The following TTC13 variants were observed in gnomAD, a reference collection of about 807,000 sequenced individuals.
TTC13 encodes tetratricopeptide repeat protein 13.
In TTC13, 62 loss-of-function variants were observed where a neutral mutation model predicts 120.0. That is an observed-to-expected ratio of 0.52 (90% CI 0.42 to 0.64). The LOEUF is 0.64. TTC13 is among the 30% of genes least tolerant of loss of function. The pLI is 0.00. For missense variants in TTC13, 824 were observed against 1,050.2 expected, an observed-to-expected ratio of 0.78 and a Z score of 2.98; for synonymous variants, 384 against 393.5, an observed-to-expected ratio of 0.98 and a Z score of 0.28.
chr1:230,948,909 G>A (rs915426199), intron 4 of TTC13, among the ~76,000 whole-genome samples: 2 of 151,896 alleles, frequency 1.3e-5, no homozygotes, highest in East Asian at 1.9e-4. Context: ...CCATTGCCTC[G>A]GTCCCCAAGA....
At chr1:230,907,518 A>G (rs991008882) in intron 22 of TTC13, among the ~76,000 whole-genome samples, 17 of 152,252 alleles carry the variant, frequency 1.1e-4, no homozygotes, top group Non-Finnish European at 1.3e-4. Context: ...AGAATTGTCA[A>G]AAGATTCACA....
rs376791178 is a variant in TTC13 at position 230,958,209 on chromosome 1, A to G, written c.442+15T>C. ...AGGCAAATATTACAGGAATATTACC[A>G]GATTCAAGTCTTACCTAACTCTTCA... On this transcript the variant is annotated intron_variant, in intron 3 of 22. Transcript: ENST00000366661. The G allele has an allele frequency of 6.2e-7, 1 of 1,609,948 alleles. No individual in the cohort carries two copies. Among genetic ancestry groups the G allele is most frequent in the African/African-American group, 1.3e-5 (1 of 74,576 alleles).
chr1:230,923,801 ACTC>A (rs775897676), intron 15 of TTC13, 37 bp downstream of exon 15: 7 of 1,552,750 alleles, frequency 4.5e-6, no homozygotes, highest in Non-Finnish European at 6.2e-6. Flanking sequence ...TTGAGAATAA[ACTC>A]CTAGGAAAAG....
chr1:230,936,215 C>T (rs1478832584), intron 8 of TTC13: 1 of 456,142 alleles, frequency 2.2e-6, no homozygotes, highest in African/African-American at 2.0e-5. Flanking sequence ...TTTTAAGAGT[C>T]TTTGGTTTCG....
intron 22 of TTC13, 82 bp downstream of exon 22, chr1:230,908,630 T>C (rs1210838102): frequency 9.1e-7 from 1 of 1,099,874 alleles, no homozygotes; most frequent in Admixed American, 2.2e-5. Context: ...GTTCCAGTTT[T>C]CATAGCGCTC....
intron 12 of TTC13, among the ~76,000 whole-genome samples, chr1:230,927,147 G>A (rs1240165464): frequency 6.6e-6 from 1 of 152,062 alleles, no homozygotes; most frequent in Admixed American, 6.6e-5. Context: ...GATGGCATTT[G>A]GGTTGATTTC....
At chr1:230,937,180 T>C (rs531419183) in intron 8 of TTC13, among the ~76,000 whole-genome samples, 1 of 152,252 alleles carries the variant, frequency 6.6e-6, no homozygotes, top group Admixed American at 6.5e-5. Context: ...ATTTCAGTTC[T>C]TGTGCAATTT....
At chr1:230,941,516 T>C (rs1265069688) in intron 6 of TTC13, among the ~76,000 whole-genome samples, 1 of 152,218 alleles carries the variant, frequency 6.6e-6, no homozygotes, top group Non-Finnish European at 1.5e-5. Flanking sequence ...TTGACCAGGC[T>C]GGTCTTGAAC....
chr1:230,965,835 G>C (rs569275439), intron 1 of TTC13, among the ~76,000 whole-genome samples: 3 of 152,050 alleles, frequency 2.0e-5, no homozygotes. Flanking sequence ...ATTTTTTGTG[G>C]AGACAGGGTC....
At chr1:230,909,731 T>C (rs769737645) in intron 20 of TTC13, among the ~76,000 whole-genome samples, 6 of 152,172 alleles carry the variant, frequency 3.9e-5, no homozygotes, top group Admixed American at 1.3e-4. Flanking sequence ...AACGGACAGA[T>C]GGTTTGGAGA....
intron 20 of TTC13, 120 bp downstream of exon 20, chr1:230,911,350 A>T: frequency 1.6e-6 from 1 of 622,546 alleles, no homozygotes; most frequent in African/African-American, 1.9e-5. Flanking sequence ...TTTGGAAAAA[A>T]ATAGGGAGCT....
intron 19 of TTC13, among the ~76,000 whole-genome samples, chr1:230,911,922 G>C (rs1280314465): frequency 6.6e-6 from 1 of 152,042 alleles, no homozygotes; most frequent in Non-Finnish European, 1.5e-5. Flanking sequence ...AAAAGATCTG[G>C]GTAAGCCCCT....
chr1:230,925,168 C>T (rs9431903), intron 13 of TTC13, among the ~76,000 whole-genome samples, 195 bp from the exon 14 acceptor site: 20,400 of 152,182 alleles, frequency 0.13, 1,383 homozygotes, highest in Middle Eastern at 0.16. Context: ...TAACTGAAGA[C>T]AACTCAAGTT....
At chr1:230,926,181 G>A (rs1041983736) in intron 12 of TTC13, among the ~76,000 whole-genome samples, 2 of 151,976 alleles carry the variant, frequency 1.3e-5, no homozygotes, top group African/African-American at 4.8e-5. Context: ...GGCTGAAAGG[G>A]CTCAGTGGAC....
At chr1:230,976,321 G>A (rs949303718) in intron 1 of TTC13, among the ~76,000 whole-genome samples, 3 of 152,226 alleles carry the variant, frequency 2.0e-5, no homozygotes, top group Admixed American at 2.0e-4. Context: ...GGCACGGTTA[G>A]TTGTAAATCC....
In TTC13 at chr1:230,925,211, A is replaced by C. The variant is rs541472120; in HGVS notation, c.1589-238T>G. Among the ~76,000 whole-genome samples the C allele has an allele frequency of 7.2e-5, 11 of 152,344 alleles. No homozygotes were observed. In the South Asian group the frequency reaches 2.3e-3, roughly 32 times the overall value. On this transcript the variant is annotated intron_variant, in intron 13 of 22. Transcript: ENST00000366661. The stretch of plus-strand genomic sequence containing the variant: ...CCCAACTCTGCCTCCTACTGAAACA[A>C]GTGGAGGTTTGCATTCTTCCTCACT...
At chr1:230,947,851 C>T (rs1460598026) in intron 4 of TTC13, among the ~76,000 whole-genome samples, 2 of 152,192 alleles carry the variant, frequency 1.3e-5, no homozygotes, top group Non-Finnish European at 2.9e-5. Context: ...CATCCCCGCA[C>T]ACCCGTGGCC....
chr1:230,963,397 G>T (rs1676823312), intron 1 of TTC13, among the ~76,000 whole-genome samples: 2 of 149,344 alleles, frequency 1.3e-5, no homozygotes, highest in Non-Finnish European at 3.0e-5. Flanking sequence ...CCAGGACTTT[G>T]GGAGGCTGAG....
chr1:230,963,635 A>T (rs1676849406), intron 1 of TTC13, among the ~76,000 whole-genome samples: 1 of 146,092 alleles, frequency 6.8e-6, no homozygotes, highest in East Asian at 2.0e-4. Flanking sequence ...ACCCTGTCTC[A>T]AAATAAATAA....
Sources: allele counts gnomAD v4.1 joint callset (sites outside exome capture counted in the v4.1 genomes callset), GRCh38; gene constraint gnomAD v4.1.1; transcripts MANE v1.5; gene names NCBI Gene and HGNC (gene_info 2026-07-23, HGNC 2026-07-21).